GNA12: variants seen among roughly 807,000 people sequenced by gnomAD.
GNA12 encodes guanine nucleotide-binding protein subunit alpha-12.
GNA12 carries 9 observed loss-of-function variants against 26.0 expected under a neutral mutation model. The ratio of observed to expected loss-of-function variants is 0.35; its 90% CI spans 0.21 to 0.60. The LOEUF (loss-of-function observed/expected upper bound fraction) is 0.60, where lower values mean the gene tolerates loss of function less well. Ranked by LOEUF, GNA12 falls within the 20% of genes least tolerant of loss-of-function variation. The pLI is 0.78. For missense variants in GNA12, 405 were observed against 525.8 expected (o/e 0.77, Z 2.25); for synonymous variants, 264 against 219.6 (o/e 1.20, Z -1.79).
rs572059666 is a variant in GNA12, at chr7:2,728,845, G to C, written c.*2336C>G. ...CGTTCTAATTCACCCCGGTCATGAG[G>C]AGGAGGAGGAGGAAGTCCAGCTCAG... On this transcript the variant is annotated 3_prime_UTR_variant, in exon 4 of 4. Transcript: ENST00000275364. 6.6e-6 allele frequency: 1 copy of C among 152,180 alleles called. No homozygotes were observed. Among genetic ancestry groups the C allele is most frequent in the Admixed American group, 6.6e-5 (1 of 15,256 alleles). The allele number at this position is 152,180 out of a possible 1,614,324, so 9.4% of individuals were successfully genotyped here.
In GNA12 at chr7:2,731,323, A is replaced by T; in HGVS notation, c.1004T>A (p.Phe335Tyr). 3.1e-6 allele frequency: 5 copies of T among 1,613,722 alleles called. No individual in the cohort carries two copies. Among genetic ancestry groups the T allele is most frequent in the Non-Finnish European group, 4.2e-6 (5 of 1,179,926 alleles). The change falls in exon 4 of 4, where the codon TTC becomes TAC. Residue 335 changes from phenylalanine (F) to tyrosine (Y), a missense_variant. Phe to Tyr is a conservative substitution (Grantham distance 22, BLOSUM62 3). Coordinates refer to ENST00000275364, the MANE Select transcript of GNA12 (RefSeq NM_007353.3). This position sits in a 1 kb window ranked among gnomAD's most constrained non-coding sequence, Gnocchi z 6.0. ...GCTGCGGTTCCGTCTCTTCCTGTCG[A>T]AGCACTGGACCAGGTAGCGCTGGAC... ...EDVQRYLVQC[F>Y]DRKRRNRSKP...
intron 2 of GNA12, among the ~76,000 whole-genome samples, chr7:2,760,143 G>A (rs1791488887): frequency 6.6e-6 from 1 of 152,252 alleles, no homozygotes; most frequent in Non-Finnish European, 1.5e-5. Context: ...AGCCCCACGT[G>A]ATGGACGTGC....
intron 2 of GNA12, among the ~76,000 whole-genome samples, chr7:2,784,596 T>C (rs1792313604): frequency 6.6e-6 from 1 of 152,232 alleles, no homozygotes; most frequent in South Asian, 2.1e-4. Context: ...CAAAGCATTA[T>C]TCTTTAAAAT....
chr7:2,741,367 C>CA (rs1790495562), intron 2 of GNA12, among the ~76,000 whole-genome samples: 1 of 152,054 alleles, frequency 6.6e-6, no homozygotes, highest in Non-Finnish European at 1.5e-5. Context: ...AAAAAAAACC[C>CA]AAAAACCTAA....
chr7:2,779,403 G>A (rs1217817976), intron 2 of GNA12, among the ~76,000 whole-genome samples: 1 of 151,856 alleles, frequency 6.6e-6, no homozygotes, highest in Admixed American at 6.6e-5. Context: ...CTAGTTACTC[G>A]AGAGACTGAA....
intron 1 of GNA12, among the ~76,000 whole-genome samples, chr7:2,816,659 C>T (rs1793226099): frequency 6.6e-6 from 1 of 152,138 alleles, no homozygotes; most frequent in South Asian, 2.1e-4. Context: ...AATTATCCAG[C>T]TCATGCCAGG....
chr7:2,738,175 G>A (rs920600113), intron 2 of GNA12, among the ~76,000 whole-genome samples: 1 of 152,122 alleles, frequency 6.6e-6, no homozygotes, highest in East Asian at 1.9e-4. Flanking sequence ...ACCTCAGCAC[G>A]TTGGGAGGCC....
chr7:2,746,966 C>T (rs1450014253), intron 2 of GNA12, among the ~76,000 whole-genome samples: 1 of 152,038 alleles, frequency 6.6e-6, no homozygotes, highest in Non-Finnish European at 1.5e-5. Flanking sequence ...AAGACTAAAC[C>T]AGGAAGAAGT....
intron 2 of GNA12, among the ~76,000 whole-genome samples, chr7:2,773,650 T>C (rs1461556852): frequency 1.3e-5 from 2 of 152,178 alleles, no homozygotes; most frequent in East Asian, 3.8e-4. Context: ...GCACTGGTGA[T>C]GAGGTGGAGT....
At chr7:2,822,686 C>A (rs1701886574) in intron 1 of GNA12, among the ~76,000 whole-genome samples, 1 of 152,174 alleles carries the variant, frequency 6.6e-6, no homozygotes, top group African/African-American at 2.4e-5. Context: ...GTGGTGCGTG[C>A]CTGTGGTCCC....
At chr7:2,752,932 A>C (rs555074938) in intron 2 of GNA12, among the ~76,000 whole-genome samples, 58 of 152,262 alleles carry the variant, frequency 3.8e-4, no homozygotes, top group Middle Eastern at 6.8e-3. Flanking sequence ...AGATTTGTGT[A>C]ACCACCACTG....
intron 1 of GNA12, among the ~76,000 whole-genome samples, chr7:2,831,759 T>C (rs568018803): frequency 1.3e-5 from 2 of 152,286 alleles, no homozygotes; most frequent in South Asian, 4.1e-4. Flanking sequence ...AAATAGTTAT[T>C]AGTCACCTCA....
intron 2 of GNA12, among the ~76,000 whole-genome samples, chr7:2,791,595 G>C (rs1304665266): frequency 6.6e-6 from 1 of 152,244 alleles, no homozygotes; most frequent in African/African-American, 2.4e-5. Flanking sequence ...AGCAGCTGCA[G>C]CTCTTCACAG....
chr7:2,787,308 A>G (rs1379992550), intron 2 of GNA12, among the ~76,000 whole-genome samples: 1 of 152,114 alleles, frequency 6.6e-6, no homozygotes, highest in East Asian at 1.9e-4. Context: ...CAACATGGCT[A>G]CCAACGCAAT....
chr7:2,772,929 C>T (rs796232221), intron 2 of GNA12, among the ~76,000 whole-genome samples: 5 of 152,318 alleles, frequency 3.3e-5, no homozygotes, highest in African/African-American at 9.6e-5. Flanking sequence ...ATGGTGTATT[C>T]ATTTAATGGA....
At chr7:2,776,728 G>A (rs534596130) in intron 2 of GNA12, among the ~76,000 whole-genome samples, 2 of 152,330 alleles carry the variant, frequency 1.3e-5, no homozygotes, top group African/African-American at 2.4e-5. Context: ...CTAGGACCAG[G>A]TCTTGCAACC....
chr7:2,829,265 G>A (rs948691076), intron 1 of GNA12, among the ~76,000 whole-genome samples: 2 of 152,132 alleles, frequency 1.3e-5, no homozygotes, highest in African/African-American at 4.8e-5. Context: ...CTAGAATTGG[G>A]AAATCCTCCA....
At chr7:2,743,173 C>A (rs1324680485) in intron 2 of GNA12, among the ~76,000 whole-genome samples, 1 of 152,162 alleles carries the variant, frequency 6.6e-6, no homozygotes, top group Non-Finnish European at 1.5e-5. Flanking sequence ...TGGCTGGCCC[C>A]TGAACCGTAT....
At chr7:2,734,559 G>C (rs1276503879) in intron 2 of GNA12, among the ~76,000 whole-genome samples, 1 of 152,208 alleles carries the variant, frequency 6.6e-6, no homozygotes, top group African/African-American at 2.4e-5. Flanking sequence ...TGAAGCTCGT[G>C]GCGTTGTAAG....
Sources: allele counts gnomAD v4.1 joint callset (sites outside exome capture counted in the v4.1 genomes callset), GRCh38; gene constraint gnomAD v4.1.1; non-coding constraint Gnocchi (gnomAD v3.1); transcripts MANE v1.5; gene names NCBI Gene and HGNC (gene_info 2026-07-23, HGNC 2026-07-21).